The following EHBP1 variants were observed in gnomAD, a reference collection of about 807,000 sequenced individuals.
EHBP1 encodes the protein EH domain binding protein 1.
EHBP1 carries 55 observed loss-of-function variants against 144.0 expected under a neutral mutation model. The observed-to-expected ratio is 0.38, with a 90% CI of 0.31 to 0.48. The LOEUF (loss-of-function observed/expected upper bound fraction) is 0.48, where lower values mean the gene tolerates loss of function less well. Ranked by LOEUF, EHBP1 falls within the 20% of genes least tolerant of loss-of-function variation. The pLI is 0.98. For missense variants in EHBP1, 1,200 were observed against 1,364.2 expected, an observed-to-expected ratio of 0.88 and a Z score of 1.90; for synonymous variants, 469 against 472.7, an observed-to-expected ratio of 0.99 and a Z score of 0.10.
At chr2:62,755,072 G>T (rs2040147524) in intron 3 of EHBP1, among the ~76,000 whole-genome samples, 1 of 152,196 alleles carries the variant, frequency 6.6e-6, no homozygotes, top group Non-Finnish European at 1.5e-5. Context: ...CCTGTCTTCT[G>T]CATCGCTCAA....
At chr2:62,866,132 T>C (rs978362482) in intron 9 of EHBP1, among the ~76,000 whole-genome samples, 2 of 152,232 alleles carry the variant, frequency 1.3e-5, no homozygotes, top group African/African-American at 4.8e-5. Context: ...GGACATTCAG[T>C]AGAGGCCTCA....
chr2:62,675,967 G>A (rs2033273938), intron 1 of EHBP1, among the ~76,000 whole-genome samples: 1 of 152,178 alleles, frequency 6.6e-6, no homozygotes, highest in African/African-American at 2.4e-5. Context: ...TATTGCCCAG[G>A]CTGGGCTTGA....
intron 14 of EHBP1, among the ~76,000 whole-genome samples, chr2:62,973,808 T>C (rs1373872255): frequency 6.6e-6 from 1 of 152,146 alleles, no homozygotes; most frequent in African/African-American, 2.4e-5. Flanking sequence ...GAGACCAGCC[T>C]GGGCAACATG....
chr2:62,827,176 T>A (rs2046398551), intron 6 of EHBP1, among the ~76,000 whole-genome samples: 1 of 152,202 alleles, frequency 6.6e-6, no homozygotes, highest in Non-Finnish European at 1.5e-5. Flanking sequence ...AAATGAGATG[T>A]TTGACACTCA....
chr2:62,914,385 G>A lies in EHBP1; in HGVS notation c.1186-28333G>A, dbSNP rs190107468. ...AAAGATTCTTGGGGGGAGAAAAACA[G>A]GAATTCTGTGAAGCCAGTTCATTAG... On this transcript the variant is annotated intron_variant, in intron 10 of 22. Transcript: ENST00000431489. 3.2e-3 allele frequency among the ~76,000 whole-genome samples: 488 copies of A among 152,000 alleles called. 4 individuals carry two copies. The highest frequency in any genetic ancestry group is 0.011 in the African/African-American group (459 of 41,520).
chr2:62,986,874 G>T (rs1355964349), intron 15 of EHBP1, among the ~76,000 whole-genome samples: 1 of 152,056 alleles, frequency 6.6e-6, no homozygotes, highest in Non-Finnish European at 1.5e-5. Context: ...TCAAGCCTAA[G>T]GATGTACTTT....
chr2:62,730,217 A>G (rs1436068491), intron 2 of EHBP1, among the ~76,000 whole-genome samples: 2 of 152,036 alleles, frequency 1.3e-5, no homozygotes, highest in Non-Finnish European at 2.9e-5. Context: ...TTGATATCTT[A>G]CATTAATAAT....
At chr2:62,864,264 C>T (rs987288756) in intron 8 of EHBP1, among the ~76,000 whole-genome samples, 7 of 152,190 alleles carry the variant, frequency 4.6e-5, no homozygotes, top group South Asian at 2.1e-4. Flanking sequence ...TCCACTGCAA[C>T]GTCCCTGGGA....
intron 4 of EHBP1, among the ~76,000 whole-genome samples, chr2:62,769,836 G>C (rs2041509221): frequency 6.8e-6 from 1 of 147,870 alleles, no homozygotes; most frequent in Non-Finnish European, 1.5e-5. Flanking sequence ...TAGACTAATG[G>C]AACAGAATAG....
intron 6 of EHBP1, among the ~76,000 whole-genome samples, chr2:62,828,694 A>G (rs1158897715): frequency 6.6e-6 from 1 of 152,236 alleles, no homozygotes; most frequent in African/African-American, 2.4e-5. Flanking sequence ...TGGACTTCAG[A>G]TTTAAAATCT....
In EHBP1 at chr2:63,026,330, G is replaced by C. The variant is rs1456509852; in HGVS notation, c.3104-11205G>C. Among the ~76,000 whole-genome samples, 5 of 151,242 alleles carry C rather than the reference G, an allele frequency of 3.3e-5. No individual in the cohort carries two copies. The South Asian group carries it at 8.4e-4, about 25-fold the overall frequency. ...TGTGTGTGTGTGTGTGTGTGTGTGT[G>C]TGTGTGTGTGTGTGTCTGTGTGTAT... On this transcript the variant is annotated intron_variant, in intron 19 of 22. Transcript: ENST00000431489.
intron 7 of EHBP1, among the ~76,000 whole-genome samples, chr2:62,846,671 T>C (rs2048322561): frequency 6.6e-6 from 1 of 152,140 alleles, no homozygotes; most frequent in African/African-American, 2.4e-5. Context: ...AAAAATCTAC[T>C]GTATTTTTAT....
chr2:62,699,161 A>C (rs539246786), intron 1 of EHBP1, among the ~76,000 whole-genome samples: 2 of 152,338 alleles, frequency 1.3e-5, no homozygotes, highest in South Asian at 4.1e-4. Flanking sequence ...TATCTTGCTC[A>C]TACAAATATA....
chr2:62,933,958 T>C (rs1307649913), intron 10 of EHBP1, among the ~76,000 whole-genome samples: 1 of 152,234 alleles, frequency 6.6e-6, no homozygotes, highest in East Asian at 1.9e-4. Context: ...AGATCACAAT[T>C]TTTAAATCCA....
intron 7 of EHBP1, among the ~76,000 whole-genome samples, chr2:62,851,055 A>G (rs2048663374): frequency 6.6e-6 from 1 of 152,156 alleles, no homozygotes; most frequent in African/African-American, 2.4e-5. Flanking sequence ...TGCATGCCAA[A>G]TTAATCATCA....
intron 3 of EHBP1, among the ~76,000 whole-genome samples, chr2:62,757,623 G>A (rs762455290): frequency 2.0e-5 from 3 of 151,246 alleles, no homozygotes; most frequent in African/African-American, 7.3e-5. Flanking sequence ...TAGTAGAGAC[G>A]GGCTTTCACC....
At chr2:63,008,220 T>C (rs569759286) in intron 19 of EHBP1, among the ~76,000 whole-genome samples, 119 of 151,872 alleles carry the variant, frequency 7.8e-4, no homozygotes, top group Non-Finnish European at 1.5e-3. Context: ...ATGTATTCTT[T>C]TAATTGTAGA....
chr2:63,033,511 A>G (rs2061342108), intron 19 of EHBP1, among the ~76,000 whole-genome samples: 1 of 152,204 alleles, frequency 6.6e-6, no homozygotes, highest in African/African-American at 2.4e-5. Context: ...CTATTCAGCT[A>G]AAATTGTTTT....
chr2:62,858,043 G>A (rs1182925149), intron 7 of EHBP1, among the ~76,000 whole-genome samples: 3 of 151,998 alleles, frequency 2.0e-5, no homozygotes, highest in Non-Finnish European at 4.4e-5. Context: ...TAGTATCAGA[G>A]TATATATATT....
Sources: gnomAD v4.1 joint callset for allele counts (sites outside exome capture counted in the v4.1 genomes callset) on GRCh38, gnomAD v4.1.1 for gene constraint, MANE v1.5 for transcripts, NCBI Gene and HGNC (gene_info 2026-07-23, HGNC 2026-07-21) for gene names.